The following MAST4 variants were observed in gnomAD, a reference collection of about 807,000 sequenced individuals.
MAST4 encodes microtubule associated serine/threonine kinase family member 4.
Under a neutral mutation model 162.7 loss-of-function variants are expected in MAST4, and 89 were observed. That is an observed-to-expected ratio of 0.55 (90% CI 0.46 to 0.65). The LOEUF is 0.65. Ranked by LOEUF, MAST4 falls within the 30% of genes least tolerant of loss-of-function variation. The pLI, the probability that MAST4 is intolerant of heterozygous loss-of-function variation, is 0.00. For missense variants in MAST4, 3,153 were observed against 3,374.0 expected (o/e 0.93, Z 1.62); for synonymous variants, 1,479 against 1,361.1 (o/e 1.09, Z -1.91).
intron 4 of MAST4, among the ~76,000 whole-genome samples, chr5:67,047,585 T>C (rs1276142245): frequency 1.3e-5 from 2 of 152,224 alleles, no homozygotes; most frequent in Non-Finnish European, 2.9e-5. Flanking sequence ...ACCACAAATT[T>C]TACAAATTTG....
chr5:66,900,144 T>G (rs1762918374), intron 4 of MAST4, among the ~76,000 whole-genome samples, 162 bp downstream of exon 4: 1 of 152,134 alleles, frequency 6.6e-6, no homozygotes. Flanking sequence ...TAGTAATGAT[T>G]TCATAATTTC....
rs910183597 is a variant in MAST4 at position 67,116,765 on chromosome 5, G to A, written c.1592-1917G>A. Among the ~76,000 whole-genome samples the A allele has an allele frequency of 5.3e-5, 8 of 152,014 alleles. No individual in the cohort carries two copies. The South Asian group carries it at 6.2e-4, about 12-fold the overall frequency. On this transcript the variant is annotated intron_variant, in intron 12 of 28. Coordinates refer to ENST00000403625, the MANE Select transcript of MAST4 (RefSeq NM_001164664.2). ...CAGGAGGCAGAGGTTGCAGTGAGCC[G>A]AGATGGCGCCATTGCACTACAGTCT...
chr5:67,076,853 G>A (rs1018020013), intron 5 of MAST4, among the ~76,000 whole-genome samples: 1 of 152,118 alleles, frequency 6.6e-6, no homozygotes, highest in African/African-American at 2.4e-5. Flanking sequence ...AGCATCCATC[G>A]CCACCGCCAC....
chr5:66,864,324 G>A (rs1348126309), intron 3 of MAST4, among the ~76,000 whole-genome samples: 1 of 152,132 alleles, frequency 6.6e-6, no homozygotes, highest in Non-Finnish European at 1.5e-5. Flanking sequence ...TCCAGTGAAG[G>A]GAATCCCAGA....
At chr5:66,803,284 T>C (rs1457684819) in intron 3 of MAST4, among the ~76,000 whole-genome samples, 8 of 152,212 alleles carry the variant, frequency 5.3e-5, no homozygotes, top group Non-Finnish European at 8.8e-5. Flanking sequence ...ACTTCATTAA[T>C]TACTGTAACT....
intron 4 of MAST4, among the ~76,000 whole-genome samples, chr5:66,913,012 T>C (rs27219): frequency 0.55 from 84,049 of 152,022 alleles, 23,789 homozygotes; most frequent in African/African-American, 0.66. Flanking sequence ...AAACTGCTTC[T>C]TTTCATGGAT....
intron 2 of MAST4, among the ~76,000 whole-genome samples, chr5:66,762,170 T>G (rs907780377): frequency 1.2e-4 from 18 of 152,188 alleles, no homozygotes; most frequent in Admixed American, 1.2e-3. Context: ...AGTCAATCCT[T>G]AGACAATTAG....
intron 4 of MAST4, among the ~76,000 whole-genome samples, chr5:67,052,959 G>A (rs1173740641): frequency 6.6e-6 from 1 of 152,122 alleles, no homozygotes; most frequent in South Asian, 2.1e-4. Flanking sequence ...CAATCAGACT[G>A]TCTGATTTAA....
chr5:66,874,011 T>C (rs1416377289), intron 3 of MAST4, among the ~76,000 whole-genome samples: 1 of 152,244 alleles, frequency 6.6e-6, no homozygotes, highest in African/African-American at 2.4e-5. Flanking sequence ...TTTTTTTCTT[T>C]GTCTTAGAAA....
chr5:66,675,663 C>T (rs573088074), intron 1 of MAST4, among the ~76,000 whole-genome samples: 2 of 152,248 alleles, frequency 1.3e-5, no homozygotes, highest in South Asian at 4.2e-4. Flanking sequence ...CTCATCAAAT[C>T]TGCTTTTGAA....
At chr5:66,671,166 T>G (rs1303048293) in intron 1 of MAST4, among the ~76,000 whole-genome samples, 1 of 152,196 alleles carries the variant, frequency 6.6e-6, no homozygotes, top group Non-Finnish European at 1.5e-5. Context: ...TGAAAATGCA[T>G]TTAGGTAAAA....
chr5:66,682,745 T>A (rs2149486582), intron 1 of MAST4, among the ~76,000 whole-genome samples: 1 of 152,128 alleles, frequency 6.6e-6, no homozygotes, highest in East Asian at 1.9e-4. Flanking sequence ...AAGCAGACCA[T>A]TTTTTTTCCC....
At chr5:66,685,547 GA>G (rs543363668) in intron 1 of MAST4, among the ~76,000 whole-genome samples, 78 of 147,926 alleles carry the variant, frequency 5.3e-4, no homozygotes, top group South Asian at 1.1e-3. Flanking sequence ...AATAAGGAAA[GA>G]AAAAAAAAAT....
Position 66,759,750 on chromosome 5 carries a change from A to G in MAST4, c.405A>G (p.Lys135=). The part of the protein sequence containing the change: ...ILSPPPMPFR[K]CSNPDVASGP... ...CCCCTCCACCCATGCCGTTTCGGAA[A>G]TGCAGCAACCCAGATGTGGCTTCTG... Residue 135 remains lysine (K), a synonymous_variant, in exon 2 of 29, where the codon AAA becomes AAG. Transcript: ENST00000403625. The G allele has an allele frequency of 1.2e-6, 2 of 1,614,012 alleles. No individual in the cohort carries two copies. The highest frequency in any genetic ancestry group is 1.1e-5 in the South Asian group (1 of 91,074).
chr5:66,789,988 ATTTTTTTTTTTTTTTTTTT>A (rs57743987), intron 3 of MAST4, among the ~76,000 whole-genome samples: 2 of 52,476 alleles, frequency 3.8e-5, no homozygotes, highest in African/African-American at 2.3e-4. Flanking sequence ...GCTTATTAGA[ATTTTTTTTTTTTTTTTTTT>A]TTTTTTTTTT....
At chr5:66,754,759 A>G (rs1375935498) in intron 1 of MAST4, among the ~76,000 whole-genome samples, 3 of 152,196 alleles carry the variant, frequency 2.0e-5, no homozygotes, top group Non-Finnish European at 2.9e-5. Context: ...TCATGTGGTG[A>G]TAGATGCTCT....
At chr5:67,120,515 T>C (rs541846415) in intron 13 of MAST4, among the ~76,000 whole-genome samples, 55 of 152,310 alleles carry the variant, frequency 3.6e-4, no homozygotes, top group African/African-American at 7.5e-4. Context: ...GTTAGATTTC[T>C]GGCATGGAAG....
chr5:66,680,843 T>C (rs1187221333), intron 1 of MAST4, among the ~76,000 whole-genome samples: 1 of 152,196 alleles, frequency 6.6e-6, no homozygotes, highest in East Asian at 1.9e-4. Flanking sequence ...CAGGAGCCTC[T>C]TCCAGAGGAG....
chr5:67,099,435 A>G (rs1482766089), intron 7 of MAST4, among the ~76,000 whole-genome samples: 1 of 152,072 alleles, frequency 6.6e-6, no homozygotes, highest in African/African-American at 2.4e-5. Context: ...TTAGGCATTA[A>G]TTTCTAGTTT....
Sources: gnomAD v4.1 joint callset for allele counts (sites outside exome capture counted in the v4.1 genomes callset) on GRCh38, gnomAD v4.1.1 for gene constraint, MANE v1.5 for transcripts, NCBI Gene and HGNC (gene_info 2026-07-23, HGNC 2026-07-21) for gene names.